Variants in RIOK1 observed in about 807,000 individuals in gnomAD.
The protein encoded by RIOK1 is RIO kinase 1, also known as serine/threonine-protein kinase RIO1.
RIOK1 carries 66 observed loss-of-function variants against 73.5 expected under a neutral mutation model. The observed-to-expected ratio is 0.90, with a 90% CI of 0.74 to 1.10. The LOEUF is 1.10. Ranked by LOEUF, RIOK1 falls within the 50% of genes least tolerant of loss-of-function variation. The pLI, the probability that RIOK1 is intolerant of heterozygous loss-of-function variation, is 0.00. For synonymous variants in RIOK1, 224 were observed against 226.8 expected (o/e 0.99, Z 0.11); for missense variants, 658 against 699.8 (o/e 0.94, Z 0.67).
In RIOK1 at chr6:7,393,260, A is replaced by T; in HGVS notation, c.233A>T (p.Lys78Ile). Residue 78 changes from lysine (K) to isoleucine (I), a missense_variant, in exon 2 of 17, where the codon AAA becomes ATA. Coordinates refer to ENST00000379834, the MANE Select transcript of RIOK1 (RefSeq NM_031480.3). ...TGGGACTGGGATGAAGGAGTTGGAA[A>T]ACTCGCCAAGGGTTATGTCTGGAAT... The part of the protein sequence containing the change: ...DDWDWDEGVG[K>I]LAKGYVWNGG... The T allele has an allele frequency of 6.2e-7, 1 of 1,614,108 alleles. No homozygotes were observed. The highest frequency in any genetic ancestry group is 2.2e-5 in the East Asian group (1 of 44,872).
rs747674048 is a variant in RIOK1, at chr6:7,417,433, G to C, written c.1699G>C (p.Gly567Arg). ...RKEKTAKTKK[G>R]K ...GGAGAAGACAGCCAAGACGAAAAAA[G>C]GCAAATAGAATGAGAACCATATTAT... is the stretch of plus-strand genomic sequence containing the variant. Residue 567 changes from glycine (G) to arginine (R), a missense_variant, in exon 17 of 17, where the codon GGC (glycine) becomes CGC (arginine). Coordinates refer to ENST00000379834, the MANE Select transcript of RIOK1 (RefSeq NM_031480.3). 5.2e-6 allele frequency: 8 copies of C among 1,539,508 alleles called. No individual in the cohort carries two copies. The highest frequency in any genetic ancestry group is 4.3e-5 in the Admixed American group (2 of 45,982).
At chr6:7,395,197 G>C (rs1761442401) in intron 3 of RIOK1, 54 bp downstream of exon 3, 1 of 1,553,892 alleles carries the variant, frequency 6.4e-7, no homozygotes, top group African/African-American at 1.4e-5. Flanking sequence ...AAAAACCATG[G>C]AGTGTTGTAT....
intron 5 of RIOK1, among the ~76,000 whole-genome samples, chr6:7,398,965 C>T (rs543805758): frequency 6.6e-6 from 1 of 152,282 alleles, no homozygotes; most frequent in East Asian, 1.9e-4. Context: ...TGCAGAGCCA[C>T]CATGCGATGC....
At chr6:7,396,083 G>A (rs981374030) in intron 3 of RIOK1, among the ~76,000 whole-genome samples, 4 of 152,062 alleles carry the variant, frequency 2.6e-5, no homozygotes, top group Non-Finnish European at 5.9e-5. Flanking sequence ...AGTTACATAC[G>A]GTTTCACTAG....
At chr6:7,393,834 C>T (rs1224441828) in intron 2 of RIOK1, among the ~76,000 whole-genome samples, 1 of 152,070 alleles carries the variant, frequency 6.6e-6, no homozygotes, top group African/African-American at 2.4e-5. Context: ...AATGATCCTC[C>T]AGGATTGTTT....
In RIOK1 at chr6:7,411,232, T is replaced by C. The variant is rs1761875522; in HGVS notation, c.1270-100T>C. ...GCCAAGCATCAGTGTTAGGGATGAA[T>C]GAATATATAGATTCCCCTGTAACCT... On this transcript the variant is annotated intron_variant, in intron 13 of 16. Transcript: ENST00000379834. The C allele has an allele frequency of 5.4e-6, 7 of 1,297,478 alleles. No individual in the cohort carries two copies. The South Asian group carries it at 9.1e-5, about 17-fold the overall frequency. 80.4% of individuals were successfully genotyped at this position (1,297,478 alleles called of 1,614,324 possible). A position where few individuals can be genotyped will look rare whatever the true frequency, so the allele number is the denominator to read the frequency against.
In RIOK1 at chr6:7,402,783, A is replaced by G. The variant is rs368341057; in HGVS notation, c.687-34A>G. The G allele has an allele frequency of 2.1e-5, 33 of 1,603,460 alleles. No homozygotes were observed. In the African/African-American group the frequency reaches 3.8e-4, roughly 18 times the overall value. On this transcript the variant is annotated intron_variant, in intron 7 of 16. Transcript: ENST00000379834. ...CCTAAAACATTAAAATAATAATGGA[A>G]TGATTGAAATAATAAACATTTTTCT...
In RIOK1 at chr6:7,402,703, G is replaced by A. The variant is rs1157366191; in HGVS notation, c.674G>A (p.Ser225Asn). 2.5e-6 allele frequency: 4 copies of A among 1,610,750 alleles called. No individual in the cohort carries two copies. The highest frequency in any genetic ancestry group is 2.7e-5 in the African/African-American group (2 of 74,856). ...TTCAAAGATCGGGATAAATATGTAAGTGGAGAATTCAGGTAAGTTCAGATT... is the reference window on the plus strand; with the variant it reads ...TTCAAAGATCGGGATAAATATGTAAATGGAGAATTCAGGTAAGTTCAGATT... ...LVFKDRDKYV[S>N]GEFRFRHGYC... Residue 225 changes from serine to asparagine, a missense_variant, in exon 7 of 17, where the codon AGT becomes AAT. Transcript: ENST00000379834.
chr6:7,404,113 A>G lies in RIOK1; in HGVS notation c.854+86A>G, dbSNP rs1483859335. 3 of 931,924 alleles carry G rather than the reference A, an allele frequency of 3.2e-6. No individual in the cohort carries two copies. In the African/African-American group the frequency reaches 4.9e-5, roughly 15 times the overall value. 57.7% of individuals were successfully genotyped at this position (931,924 alleles called of 1,614,324 possible). On this transcript the variant is annotated intron_variant, in intron 9 of 16. Coordinates refer to ENST00000379834, the MANE Select transcript of RIOK1 (RefSeq NM_031480.3). ...TTTATCCACTATATGAATATTTCCC[A>G]TTTGAATAACTTATTAATCTTTCCC...
At chr6:7,405,399 G>A (rs372583305) in intron 12 of RIOK1, 44 bp downstream of exon 12, 9 of 1,132,984 alleles carry the variant, frequency 7.9e-6, no homozygotes, top group East Asian at 7.0e-5. Context: ...AGCAGTACAG[G>A]TGCAGTATCT....
chr6:7,410,678 G>C (rs1003472526), intron 13 of RIOK1, among the ~76,000 whole-genome samples: 3 of 152,194 alleles, frequency 2.0e-5, no homozygotes, highest in Non-Finnish European at 4.4e-5. Context: ...CATTGTCCTA[G>C]ATGGAGAAAA....
At chr6:7,406,753 G>A (rs1414657019) in intron 12 of RIOK1, among the ~76,000 whole-genome samples, 7 of 152,038 alleles carry the variant, frequency 4.6e-5, no homozygotes, top group Admixed American at 2.6e-4. Flanking sequence ...CTCTGCCTTC[G>A]GGTTCAAGCA....
At position 7,414,365 on chromosome 6, in the gene RIOK1, C is replaced by T; in HGVS notation, c.1571C>T (p.Thr524Ile). The T allele has an allele frequency of 6.2e-7, 1 of 1,608,992 alleles. No individual in the cohort carries two copies. The highest frequency in any genetic ancestry group is 8.5e-7 in the Non-Finnish European group (1 of 1,178,724). ...GACCATGCCCGCCCCAAGAAACACA[C>T]CACGGACCCTGACATTGATAAAAAA... ...QGDHARPKKHTTDPDIDKKER... is the reference protein window; with the variant it reads ...QGDHARPKKHITDPDIDKKER... The change falls in exon 16 of 17, where the codon ACC (threonine) becomes ATC (isoleucine). Residue 524 changes from threonine to isoleucine, a missense_variant. By Grantham distance (89) the Thr-to-Ile change is moderately conservative. Coordinates refer to ENST00000379834, the MANE Select transcript of RIOK1 (RefSeq NM_031480.3).
In RIOK1 at chr6:7,410,415, G is replaced by T; in HGVS notation, c.1233G>T (p.Lys411Asn). ...TGGAAATAGCATCTCAAAGGACCAA[G>T]GAAGAACGGTCTAGCCAAGATCATG... ...KAMEIASQRT[K>N]EERSSQDHVD... Residue 411 changes from lysine to asparagine, a missense_variant, in exon 13 of 17, where the codon AAG becomes AAT. By Grantham distance (94) the Lys-to-Asn change is moderately conservative (BLOSUM62 0). Coordinates refer to ENST00000379834, the MANE Select transcript of RIOK1 (RefSeq NM_031480.3). 1 of 1,612,962 alleles carries T rather than the reference G, an allele frequency of 6.2e-7. No homozygotes were observed. Among genetic ancestry groups the T allele is most frequent in the Non-Finnish European group, 8.5e-7 (1 of 1,179,130 alleles).
At chr6:7,395,289 G>A (rs1359707402) in intron 3 of RIOK1, 146 bp downstream of exon 3, 3 of 798,292 alleles carry the variant, frequency 3.8e-6, no homozygotes, top group Middle Eastern at 3.2e-4. Context: ...TGAAGTGGGT[G>A]GATCACCTGA....
chr6:7,403,752 T>G (rs1368342253), intron 8 of RIOK1, among the ~76,000 whole-genome samples, 189 bp from the exon 9 acceptor site: 1 of 152,220 alleles, frequency 6.6e-6, no homozygotes, highest in Admixed American at 6.5e-5. Context: ...TGCTAGTGTT[T>G]TATCATTCTC....
At chr6:7,411,180 GGGA>G in intron 13 of RIOK1, 149 bp from the exon 14 acceptor site, 1 of 675,940 alleles carries the variant, frequency 1.5e-6, no homozygotes, top group Non-Finnish European at 2.5e-6. Context: ...CATCACAGAT[GGGA>G]TACCAGTGTG....
intron 1 of RIOK1, among the ~76,000 whole-genome samples, chr6:7,392,579 G>T (rs1438879251): frequency 2.6e-5 from 4 of 151,642 alleles, no homozygotes; most frequent in Non-Finnish European, 5.9e-5. Context: ...GAGTACAGTG[G>T]CACGATCATG....
chr6:7,407,401 T>G (rs1761774103), intron 12 of RIOK1, among the ~76,000 whole-genome samples: 1 of 152,212 alleles, frequency 6.6e-6, no homozygotes, highest in Admixed American at 6.5e-5. Flanking sequence ...ATTATGGTTT[T>G]GGTTTGTGTT....
Sources: gnomAD v4.1 joint callset for allele counts (sites outside exome capture counted in the v4.1 genomes callset) on GRCh38, gnomAD v4.1.1 for gene constraint, MANE v1.5 for transcripts, NCBI Gene and HGNC (gene_info 2026-07-23, HGNC 2026-07-21) for gene names.